GALNT14: variants seen among roughly 807,000 people sequenced by gnomAD.
The protein encoded by GALNT14 is polypeptide N-acetylgalactosaminyltransferase 14.
In GALNT14, 60 loss-of-function variants were observed where a neutral mutation model predicts 77.5. The observed-to-expected ratio is 0.77, with a 90% CI of 0.63 to 0.96. The LOEUF (loss-of-function observed/expected upper bound fraction) is 0.96, where lower values mean the gene tolerates loss of function less well. Ranked by LOEUF, GALNT14 falls within the 40% of genes least tolerant of loss-of-function variation. The pLI is 0.00. For missense variants in GALNT14, 710 were observed against 731.0 expected, an observed-to-expected ratio of 0.97 and a Z score of 0.33; for synonymous variants, 280 against 281.7, an observed-to-expected ratio of 0.99 and a Z score of 0.06.
intron 4 of GALNT14, among the ~76,000 whole-genome samples, chr2:30,957,266 C>A (rs1214882394): frequency 6.6e-6 from 1 of 152,160 alleles, no homozygotes; most frequent in African/African-American, 2.4e-5. Context: ...TATATACCAT[C>A]TCTGTTTTAT....
At chr2:30,948,158 C>T (rs1421959145) in intron 6 of GALNT14, among the ~76,000 whole-genome samples, 17 of 152,234 alleles carry the variant, frequency 1.1e-4, no homozygotes, top group Admixed American at 1.1e-3. Flanking sequence ...CTGAAATGAC[C>T]TCAGAAGTTC....
In GALNT14 at chr2:30,912,238, A is replaced by G. The variant is rs1254012920; in HGVS notation, c.1485T>C (p.Asn495=). 6.2e-7 allele frequency: 1 copy of G among 1,614,162 alleles called. No individual in the cohort carries two copies. Among genetic ancestry groups the G allele is most frequent in the South Asian group, 1.1e-5 (1 of 91,070 alleles). The change falls in exon 14 of 15, where the codon AAT becomes AAC. Residue 495 remains asparagine (N), a synonymous_variant. Transcript: ENST00000349752. Reference sequence around the variant, plus strand: ...GAGCACTTACCTGTCGGTCATCTCCATTCTTGCAAAGGACAAGAACCACTG... The same window carrying G: ...GAGCACTTACCTGTCGGTCATCTCCGTTCTTGCAAAGGACAAGAACCACTG... ...GAPVVLVLCK[N]GDDRQQWTKT... is the part of the protein sequence containing the mutation.
chr2:31,109,917 T>C (rs1434420140), intron 1 of GALNT14, among the ~76,000 whole-genome samples: 1 of 152,168 alleles, frequency 6.6e-6, no homozygotes, highest in Non-Finnish European at 1.5e-5. Flanking sequence ...CTGTCTCAAT[T>C]TTCTCAGCTC....
rs890760935 is a variant in GALNT14, at chr2:30,924,706, A to G, written c.1235+34T>C. ...AAGCCAGCTGAGGGCCTCTGCTTTC[A>G]GCCAGCCAAAGCTCCAACAGGTAGG... On this transcript the variant is annotated intron_variant, in intron 12 of 14. Coordinates refer to ENST00000349752, the MANE Select transcript of GALNT14 (RefSeq NM_024572.4). 4 of 1,590,704 alleles carry G rather than the reference A, an allele frequency of 2.5e-6. No homozygotes were observed. The African/African-American group carries it at 4.0e-5, about 16-fold the overall frequency.
At chr2:30,952,536 C>T (rs1667089673) in intron 6 of GALNT14, among the ~76,000 whole-genome samples, 2 of 146,168 alleles carry the variant, frequency 1.4e-5, no homozygotes, top group East Asian at 2.0e-4. Flanking sequence ...CGCATATTCT[C>T]ACTCATAAGT....
intron 2 of GALNT14, among the ~76,000 whole-genome samples, chr2:30,969,658 G>T (rs1022157522): frequency 3.3e-5 from 5 of 152,190 alleles, no homozygotes; most frequent in Non-Finnish European, 7.3e-5. Context: ...CAGAAATGGG[G>T]CACAGAATTC....
At chr2:31,054,794 A>G (rs1392457431) in intron 1 of GALNT14, among the ~76,000 whole-genome samples, 1 of 152,240 alleles carries the variant, frequency 6.6e-6, no homozygotes, top group Non-Finnish European at 1.5e-5. Context: ...ACCGGTCCCC[A>G]TGCTAATCAG....
At chr2:30,979,140 G>C (rs901083241) in intron 2 of GALNT14, among the ~76,000 whole-genome samples, 1 of 152,262 alleles carries the variant, frequency 6.6e-6, no homozygotes, top group African/African-American at 2.4e-5. Flanking sequence ...CAGGTGAGGA[G>C]TGATCCTTCT....
intron 1 of GALNT14, among the ~76,000 whole-genome samples, chr2:31,103,488 G>GCACACACACAC (rs1677391654): frequency 1.6e-5 from 1 of 61,300 alleles, no homozygotes; most frequent in Non-Finnish European, 3.5e-5. Flanking sequence ...AGAGAAGAAG[G>GCACACACACAC]AAACACACAC....
chr2:30,980,650 G>A (rs1171581856), intron 2 of GALNT14, among the ~76,000 whole-genome samples: 1 of 152,206 alleles, frequency 6.6e-6, no homozygotes, highest in African/African-American at 2.4e-5. Flanking sequence ...AGGAGACCTA[G>A]CCCAGCCACT....
chr2:31,110,158 T>C (rs563403006), intron 1 of GALNT14, among the ~76,000 whole-genome samples: 79 of 152,204 alleles, frequency 5.2e-4, no homozygotes, highest in African/African-American at 1.8e-3. Context: ...TTTGAAAAAA[T>C]ATTCCAGGCC....
chr2:31,086,172 C>T (rs1225146386), intron 1 of GALNT14, among the ~76,000 whole-genome samples: 2 of 152,214 alleles, frequency 1.3e-5, no homozygotes, highest in African/African-American at 4.8e-5. Flanking sequence ...TTCACTACAT[C>T]CTAGGACCTC....
At chr2:31,018,518 G>A (rs1458334020) in intron 1 of GALNT14, among the ~76,000 whole-genome samples, 1 of 152,158 alleles carries the variant, frequency 6.6e-6, no homozygotes, top group African/African-American at 2.4e-5. Flanking sequence ...ACTGTCACAT[G>A]AACACCGCCC....
At chr2:31,073,989 CCT>C (rs1675594801) in intron 1 of GALNT14, among the ~76,000 whole-genome samples, 1 of 152,154 alleles carries the variant, frequency 6.6e-6, no homozygotes. Context: ...TTATTTGGGC[CCT>C]GAGTTCTCTG....
chr2:30,945,902 G>T (rs761043409), intron 6 of GALNT14, 32 bp from the exon 7 acceptor site: 7 of 1,592,678 alleles, frequency 4.4e-6, no homozygotes, highest in Non-Finnish European at 1.7e-6. Flanking sequence ...CTTAGCTTAT[G>T]GAGAGGAGCC....
rs1009481406 is a variant in GALNT14 at position 31,119,943 on chromosome 2, T to G, written c.129+18015A>C. Among the ~76,000 whole-genome samples, 2 of 75,806 alleles carry G rather than the reference T, an allele frequency of 2.6e-5. 1 individual carries two copies. The highest frequency in any genetic ancestry group is 7.6e-5 in the Non-Finnish European group (2 of 26,334). The allele number at this position is 75,806 out of a possible 152,430, so 49.7% of individuals were successfully genotyped here. A position where few individuals can be genotyped will look rare whatever the true frequency, so the allele number is the denominator to read the frequency against. ...AGGCCGAGGCGGGCGGATCACGAGG[T>G]CAGGAGATCGAGACCATCCTGGCTA... On this transcript the variant is annotated intron_variant, in intron 1 of 14. Transcript: ENST00000349752.
At chr2:31,104,923 T>G (rs1677479418) in intron 1 of GALNT14, among the ~76,000 whole-genome samples, 1 of 152,230 alleles carries the variant, frequency 6.6e-6, no homozygotes, top group Admixed American at 6.5e-5. Context: ...GGTTACACTT[T>G]TGTGGGAAGC....
At chr2:31,009,583 A>T (rs1486370723) in intron 1 of GALNT14, among the ~76,000 whole-genome samples, 2 of 152,098 alleles carry the variant, frequency 1.3e-5, no homozygotes, top group Non-Finnish European at 2.9e-5. Flanking sequence ...TGAGCTCCAG[A>T]ACAATATCAA....
chr2:30,973,953 G>T (rs1295005014), intron 2 of GALNT14, among the ~76,000 whole-genome samples: 1 of 152,198 alleles, frequency 6.6e-6, no homozygotes, highest in Non-Finnish European at 1.5e-5. Context: ...AAGTGGGTCA[G>T]AATAGAGAAG....
Sources: allele counts gnomAD v4.1 joint callset (sites outside exome capture counted in the v4.1 genomes callset), GRCh38; gene constraint gnomAD v4.1.1; transcripts MANE v1.5; gene names NCBI Gene and HGNC (gene_info 2026-07-23, HGNC 2026-07-21).